DPYD: variants seen among roughly 807,000 people sequenced by gnomAD.
DPYD encodes the protein dihydropyrimidine dehydrogenase.
In DPYD, 109 loss-of-function variants were observed where a neutral mutation model predicts 116.2. The ratio of observed to expected loss-of-function variants is 0.94; its 90% confidence interval spans 0.80 to 1.10. The LOEUF is 1.10. DPYD is among the 50% of genes least tolerant of loss of function. DPYD has a pLI of 0.00. For synonymous variants in DPYD, 440 were observed against 432.0 expected (o/e 1.02, Z -0.23); for missense variants, 1,302 against 1,254.5 (o/e 1.04, Z -0.57).
At chr1:97,141,426 T>C (rs1654215864) in intron 20 of DPYD, among the ~76,000 whole-genome samples, 1 of 152,138 alleles carries the variant, frequency 6.6e-6, no homozygotes, top group African/African-American at 2.4e-5. Context: ...TTTTACTCGC[T>C]ATTCCTTCTG....
chr1:97,328,042 A>G (rs1668795217), intron 16 of DPYD, among the ~76,000 whole-genome samples: 2 of 151,864 alleles, frequency 1.3e-5, no homozygotes, highest in African/African-American at 4.9e-5. Context: ...GATGAAGGAG[A>G]TATAAGTGGG....
intron 3 of DPYD, among the ~76,000 whole-genome samples, chr1:97,758,196 T>G (rs571291903): frequency 2.6e-5 from 4 of 152,182 alleles, no homozygotes; most frequent in Non-Finnish European, 4.4e-5. Context: ...CAACAAATTA[T>G]ATAACCTTTA....
intron 13 of DPYD, among the ~76,000 whole-genome samples, chr1:97,511,319 A>G (rs1459280215): frequency 6.6e-6 from 1 of 152,018 alleles, no homozygotes; most frequent in African/African-American, 2.4e-5. Flanking sequence ...AATATAGGGT[A>G]TCTAATAATG....
At chr1:97,650,600 G>T (rs1287917859) in intron 8 of DPYD, among the ~76,000 whole-genome samples, 2 of 152,064 alleles carry the variant, frequency 1.3e-5, no homozygotes, top group Admixed American at 6.6e-5. Context: ...AGAGGAGCTT[G>T]CTCATAATTA....
intron 5 of DPYD, chr1:97,719,652 A>G (rs1662812510): frequency 1.0e-6 from 1 of 953,388 alleles, no homozygotes; most frequent in African/African-American, 1.8e-5. Context: ...TAACTTTGAC[A>G]GTTGGGTAAA....
chr1:97,514,370 C>A (rs1038400304), intron 13 of DPYD: 1 of 462,630 alleles, frequency 2.2e-6, no homozygotes, highest in Non-Finnish European at 2.8e-6. Flanking sequence ...TATAATTCTT[C>A]ACCTGTGCCC....
chr1:97,538,832 GTCTTGTGTA>G (rs1320138092), intron 12 of DPYD, among the ~76,000 whole-genome samples: 6 of 152,192 alleles, frequency 3.9e-5, no homozygotes, highest in African/African-American at 1.4e-4. Context: ...TTGTGTGTGT[GTCTTGTGTA>G]TCTATTCTAA....
At chr1:97,290,901 C>G (rs1258985751) in intron 18 of DPYD, among the ~76,000 whole-genome samples, 1 of 151,806 alleles carries the variant, frequency 6.6e-6, no homozygotes, top group Non-Finnish European at 1.5e-5. Context: ...GAACAGGCAA[C>G]CTACAAAATG....
intron 3 of DPYD, among the ~76,000 whole-genome samples, chr1:97,774,315 C>T (rs1242365586): frequency 6.6e-6 from 1 of 152,136 alleles, no homozygotes; most frequent in East Asian, 1.9e-4. Context: ...ATCTGTTTGC[C>T]CTCATGGAGT....
intron 20 of DPYD, among the ~76,000 whole-genome samples, chr1:97,146,461 C>G (rs1654641462): frequency 6.6e-6 from 1 of 152,146 alleles, no homozygotes; most frequent in South Asian, 2.1e-4. Flanking sequence ...ACACCATGTC[C>G]AAAGGCCATA....
At chr1:97,650,569 T>G (rs1571129004) in intron 8 of DPYD, among the ~76,000 whole-genome samples, 2 of 152,150 alleles carry the variant, frequency 1.3e-5, no homozygotes, top group African/African-American at 4.8e-5. Flanking sequence ...GATTATATTT[T>G]CCTAAATTCT....
intron 19 of DPYD, among the ~76,000 whole-genome samples, chr1:97,229,248 T>TAAA (rs1261777617): frequency 2.3e-5 from 2 of 86,054 alleles, no homozygotes; most frequent in Middle Eastern, 5.8e-3. Context: ...TGATGGGAAG[T>TAAA]AAAAAAAAAA....
At chr1:97,548,236 A>G (rs1394170781) in intron 12 of DPYD, among the ~76,000 whole-genome samples, 1 of 152,166 alleles carries the variant, frequency 6.6e-6, no homozygotes, top group Admixed American at 6.6e-5. Context: ...AACATTTTAC[A>G]TAAATGAGGT....
At chr1:97,406,674 T>C (rs1489557982) in intron 14 of DPYD, among the ~76,000 whole-genome samples, 2 of 151,976 alleles carry the variant, frequency 1.3e-5, no homozygotes, top group Non-Finnish European at 2.9e-5. Context: ...GTTTTACTTG[T>C]TAAGATGGAG....
intron 11 of DPYD, among the ~76,000 whole-genome samples, chr1:97,567,090 T>A (rs1368358522): frequency 6.6e-6 from 1 of 152,110 alleles, no homozygotes; most frequent in Non-Finnish European, 1.5e-5. Flanking sequence ...AATTTTTGCA[T>A]CGTAAGAATC....
chr1:97,290,009 T>C (rs1274882865), intron 18 of DPYD, among the ~76,000 whole-genome samples: 2 of 152,140 alleles, frequency 1.3e-5, no homozygotes, highest in African/African-American at 2.4e-5. Context: ...ACAAAATCAA[T>C]GTACAAAAAT....
At chr1:97,347,595 T>G (rs895113837) in intron 16 of DPYD, among the ~76,000 whole-genome samples, 8 of 152,078 alleles carry the variant, frequency 5.3e-5, no homozygotes, top group Admixed American at 5.2e-4. Flanking sequence ...CTATAATTTC[T>G]TTTCTTACAC....
intron 20 of DPYD, among the ~76,000 whole-genome samples, chr1:97,164,668 C>T (rs765410263): frequency 2.6e-5 from 4 of 152,060 alleles, no homozygotes; most frequent in African/African-American, 4.8e-5. Context: ...GAAGGCAATC[C>T]CATTCACAAT....
rs925021257 is a variant in DPYD at position 97,731,212 on chromosome 1, G to A, written c.321+9180C>T. Among the ~76,000 whole-genome samples the A allele has an allele frequency of 5.3e-5, 8 of 151,838 alleles. No individual in the cohort carries two copies. In the East Asian group the frequency reaches 1.3e-3, roughly 26 times the overall value. On this transcript the variant is annotated intron_variant, in intron 4 of 22. Coordinates refer to ENST00000370192, the MANE Select transcript of DPYD (RefSeq NM_000110.4). ...TTGTGCGAGTTTGCTCTTTATTGAC[G>A]AGAATATGAGCAATTCCTTAATTGA...
Sources: allele counts gnomAD v4.1 joint callset (sites outside exome capture counted in the v4.1 genomes callset), GRCh38; gene constraint gnomAD v4.1.1; transcripts MANE v1.5; gene names NCBI Gene and HGNC (gene_info 2026-07-23, HGNC 2026-07-21).